TBL1Y: variants seen among roughly 807,000 people sequenced by gnomAD.
TBL1Y encodes the protein transducin beta like 1 Y-linked.
TBL1Y carries 15 observed loss-of-function variants against 12.0 expected under a neutral mutation model. The ratio of observed to expected loss-of-function variants is 1.25; its 90% CI spans 0.83 to 1.92. TBL1Y has a LOEUF of 1.92. Among genes scored for constraint, TBL1Y ranks in the 40% most tolerant of loss-of-function variants. TBL1Y has a pLI of 0.00. For missense variants in TBL1Y, 148 were observed against 116.7 expected (o/e 1.27, Z -1.24); for synonymous variants, 53 against 42.6 (o/e 1.24, Z -0.95).
chrY:7,036,080 A>C, intron 6 of TBL1Y, among the ~76,000 whole-genome samples: 1 of 33,376 alleles, frequency 3.0e-5, no homozygotes, highest in Non-Finnish European at 7.4e-5. Context: ...AGTCCAGAGT[A>C]GGGATGGGAG....
chrY:6,924,567 G>A (rs2011812674), intron 2 of TBL1Y, among the ~76,000 whole-genome samples: 2 of 22,437 alleles, frequency 8.9e-5, no homozygotes, highest in South Asian at 1.2e-3. Context: ...CAGTCTGGGC[G>A]ACAGAGTGAG....
chrY:6,952,753 T>C (rs2012040744), intron 2 of TBL1Y, among the ~76,000 whole-genome samples: 1 of 33,626 alleles, frequency 3.0e-5, no homozygotes, highest in Non-Finnish European at 7.3e-5. Context: ...CGTTAGTTGA[T>C]GCAGTTTCTT....
intron 7 of TBL1Y, among the ~76,000 whole-genome samples, chrY:7,063,012 A>C (rs2012895129): frequency 3.1e-5 from 1 of 32,714 alleles, no homozygotes. Flanking sequence ...GGATGCTGGC[A>C]AGTTTTTAAT....
chrY:6,966,343 C>T (rs2012168950), intron 2 of TBL1Y, among the ~76,000 whole-genome samples: 2 of 33,066 alleles, frequency 6.0e-5, no homozygotes, highest in Non-Finnish European at 1.5e-4. Context: ...GCATGAGCCA[C>T]GGTGCCTCGC....
chrY:7,043,257 C>T, intron 7 of TBL1Y, 132 bp downstream of exon 7: 1 of 205,238 alleles, frequency 4.9e-6, no homozygotes, highest in Non-Finnish European at 8.0e-6. Flanking sequence ...TGCAGTGGCT[C>T]ATACCTGTAA....
At chrY:6,941,289 G>T (rs762678033) in intron 2 of TBL1Y, among the ~76,000 whole-genome samples, 1 of 33,293 alleles carries the variant, frequency 3.0e-5, no homozygotes, top group East Asian at 8.0e-4. Context: ...GGGAGGCACA[G>T]GTGGGCAGAT....
intron 2 of TBL1Y, among the ~76,000 whole-genome samples, chrY:6,957,787 A>G: frequency 3.0e-5 from 1 of 33,728 alleles, no homozygotes; most frequent in African/African-American, 1.2e-4. Context: ...ATTTTTGTCA[A>G]TATTTTGGTG....
chrY:6,951,713 C>T, intron 2 of TBL1Y, among the ~76,000 whole-genome samples: 1 of 33,160 alleles, frequency 3.0e-5, no homozygotes, highest in Non-Finnish European at 7.4e-5. Flanking sequence ...TTGCCTTCTG[C>T]TAGCTTTTGA....
At chrY:7,021,954 T>A (rs2012584839) in intron 5 of TBL1Y, among the ~76,000 whole-genome samples, 1 of 33,589 alleles carries the variant, frequency 3.0e-5, no homozygotes, top group African/African-American at 1.2e-4. Context: ...ATTAGTTTTT[T>A]AATATGATTT....
intron 3 of TBL1Y, among the ~76,000 whole-genome samples, chrY:6,993,234 T>TTTCTTTC: frequency 3.8e-5 from 1 of 26,112 alleles, no homozygotes; most frequent in South Asian, 9.8e-4. Flanking sequence ...TCTTTCTTTC[T>TTTCTTTC]TTCTTTCTTT....
intron 14 of TBL1Y, among the ~76,000 whole-genome samples, chrY:7,081,630 T>A (rs2013100008): frequency 3.0e-5 from 1 of 33,506 alleles, no homozygotes; most frequent in Non-Finnish European, 7.3e-5. Context: ...ATAGAAAGCA[T>A]CTGCTTCTGG....
chrY:7,087,288 G>A lies in TBL1Y; in HGVS notation c.1302G>A (p.Val434=), dbSNP rs760854994. Residue 434 remains valine (V), a synonymous_variant, in exon 17 of 19, where the codon GTG becomes GTA. Transcript: ENST00000383032. ...CTAGTGCTTCATTTGATTCTACAGT[G>A]CGACTGTGGGATGTGGAGCAAGGTG... ...MLASASFDST[V]RLWDVEQGVC... The A allele has an allele frequency of 2.6e-6, 1 of 391,237 alleles. No homozygotes were observed. The highest frequency in any genetic ancestry group is 8.0e-5 in the Admixed American group (1 of 12,559).
Position 7,028,505 on chromosome Y carries a change from T to G in TBL1Y, c.58+3363T>G, listed in dbSNP as rs201058823. On this transcript the variant is annotated intron_variant, in intron 6 of 18. Transcript: ENST00000383032. ...ATGTATATTTCCTAACCTGTGTGGATTAGTGGATTTTCATTGTTGCCCTGC... is the reference window on the plus strand; with the variant it reads ...ATGTATATTTCCTAACCTGTGTGGAGTAGTGGATTTTCATTGTTGCCCTGC... 1.6e-3 allele frequency among the ~76,000 whole-genome samples: 55 copies of G among 34,359 alleles called. No individual in the cohort carries two copies. The East Asian group carries it at 0.044, about 28-fold the overall frequency. 92.2% of individuals were successfully genotyped at this position (34,359 alleles called of 37,273 possible).
At chrY:6,911,363 C>T in intron 1 of TBL1Y, among the ~76,000 whole-genome samples, 1 of 34,259 alleles carries the variant, frequency 2.9e-5, no homozygotes, top group Non-Finnish European at 7.4e-5. Context: ...TGCTGGTGGG[C>T]GGAAGGGGCA....
intron 4 of TBL1Y, among the ~76,000 whole-genome samples, chrY:7,008,502 G>A: frequency 3.0e-5 from 1 of 33,465 alleles, no homozygotes; most frequent in African/African-American, 1.2e-4. Flanking sequence ...AATTGATTCC[G>A]TATGTTTTTT....
chrY:7,046,804 A>T, intron 7 of TBL1Y, among the ~76,000 whole-genome samples: 2 of 34,176 alleles, frequency 5.9e-5, no homozygotes, highest in Admixed American at 5.4e-4. Flanking sequence ...ACATCCATAT[A>T]TAAGGCTGGC....
rs2012581701 is a variant in TBL1Y, at chrY:7,021,521, A to G, written c.-67A>G. 3.0e-5 allele frequency: 1 copy of G among 33,515 alleles called. No homozygotes were observed. The highest frequency in any genetic ancestry group is 7.4e-5 in the Non-Finnish European group (1 of 13,582). The allele number at this position is 33,515 out of a possible 400,897, so 8.4% of individuals were successfully genotyped here. A position where few individuals can be genotyped will look rare whatever the true frequency, so the allele number is the denominator to read the frequency against. On this transcript the variant is annotated 5_prime_UTR_variant, in exon 5 of 19. The change abolishes an upstream ATG in the 5' untranslated region. Coordinates refer to ENST00000383032, the MANE Select transcript of TBL1Y (RefSeq NM_033284.2). ...AGCCTGCTGGTTCAGAGGTCCACAC[A>G]TGAAGTTACCATAAAGGTAAGCAGC...
At chrY:7,086,452 C>G in intron 16 of TBL1Y, 35 bp downstream of exon 16, 1 of 365,255 alleles carries the variant, frequency 2.7e-6, no homozygotes, top group Admixed American at 8.4e-5. Flanking sequence ...ACAGCTCCGC[C>G]CTACACAACG....
chrY:7,044,439 G>C (rs764048166), intron 7 of TBL1Y, among the ~76,000 whole-genome samples: 1 of 32,902 alleles, frequency 3.0e-5, no homozygotes, highest in South Asian at 7.1e-4. Context: ...CCAGATGCAT[G>C]ATTCTGCCTA....
Sources: allele counts gnomAD v4.1 joint callset (sites outside exome capture counted in the v4.1 genomes callset), GRCh38; gene constraint gnomAD v4.1.1; transcripts MANE v1.5; gene names NCBI Gene and HGNC (gene_info 2026-07-23, HGNC 2026-07-21).